TGFB1: variants seen among roughly 807,000 people sequenced by gnomAD.
TGFB1 encodes transforming growth factor beta 1, also known as transforming growth factor beta-1 proprotein.
A neutral mutation model predicts 43.8 loss-of-function variants in TGFB1; 19 were observed. The ratio of observed to expected loss-of-function variants is 0.43; its 90% CI spans 0.30 to 0.64. The LOEUF is 0.64. Ranked by LOEUF, TGFB1 falls within the 30% of genes least tolerant of loss-of-function variation. The pLI is 0.11. For synonymous variants in TGFB1, 221 were observed against 236.3 expected, an observed-to-expected ratio of 0.94 and a Z score of 0.60; for missense variants, 445 against 529.8, an observed-to-expected ratio of 0.84 and a Z score of 1.57.
intron 5 of TGFB1, 27 bp downstream of exon 5, chr19:41,341,856 G>A: frequency 1.2e-6 from 2 of 1,612,418 alleles, no homozygotes; most frequent in Non-Finnish European, 8.5e-7. Context: ...CAGCCTGGAA[G>A]GCCTCCATCC....
At chr19:41,348,844 G>A (rs1287621441) in intron 1 of TGFB1, among the ~76,000 whole-genome samples, 1 of 151,798 alleles carries the variant, frequency 6.6e-6, no homozygotes, top group Non-Finnish European at 1.5e-5. Context: ...GGATGGTCTC[G>A]ATCTCCTGAC....
chr19:41,337,544 T>A (rs1174432183), intron 5 of TGFB1, among the ~76,000 whole-genome samples: 1 of 152,092 alleles, frequency 6.6e-6, no homozygotes, highest in Non-Finnish European at 1.5e-5. Context: ...CCCAAAGTGC[T>A]GGGATTACGG....
At position 41,352,855 on chromosome 19, in the gene TGFB1, TC is replaced by T. The variant is rs750211892; in HGVS notation, c.189del (p.Ser64AlafsTer49). The T allele has an allele frequency of 6.4e-7, 1 of 1,564,378 alleles. No homozygotes were observed. The highest frequency in any genetic ancestry group is 8.6e-7 in the Non-Finnish European group (1 of 1,157,450). On this transcript the variant is annotated frameshift_variant, in exon 1 of 7. Transcript: ENST00000221930. LOFTEE classifies it high-confidence loss of function. Reference protein sequence around the residue: ...ILSKLRLASPPSQGEVPPGPL... With the variant: ...ILSKLRLASPXSQGEVPPGPL... Reference sequence around the variant, plus strand: ...GGGCCGGGCGGCACCTCCCCCTGGCTCGGGGGGCTGGCGAGCCGCAGCTTGG... The same window carrying T: ...GGGCCGGGCGGCACCTCCCCCTGGCTGGGGGGCTGGCGAGCCGCAGCTTGG...
At position 41,342,254 on chromosome 19, in the gene TGFB1, G is replaced by T; in HGVS notation, c.635-7C>A. 1 of 1,587,678 alleles carries T rather than the reference G, an allele frequency of 6.3e-7. No homozygotes were observed. The highest frequency in any genetic ancestry group is 1.1e-5 in the South Asian group (1 of 87,246). ...CGAAAGCCCTCAATTTCCCCTGTAG[G>T]AGTGGCGAGAGGGAAGCCAGTCTGA... On this transcript the variant is annotated splice_region_variant and splice_polypyrimidine_tract_variant and intron_variant, in intron 3 of 6. Coordinates refer to ENST00000221930, the MANE Select transcript of TGFB1 (RefSeq NM_000660.7).
chr19:41,331,324 C>G, intron 6 of TGFB1, 114 bp from the exon 7 acceptor site: 2 of 1,264,888 alleles, frequency 1.6e-6, no homozygotes, highest in Non-Finnish European at 2.1e-6. Flanking sequence ...CGTCTCTCCC[C>G]GCATCCCCTC....
At chr19:41,331,691 A>G (rs1208571411) in intron 6 of TGFB1, among the ~76,000 whole-genome samples, 1 of 146,670 alleles carries the variant, frequency 6.8e-6, no homozygotes, top group Non-Finnish European at 1.5e-5. Context: ...TGGTATTACC[A>G]TCGTGAGCCG....
chr19:41,331,347 A>C (rs571098675), intron 6 of TGFB1, 137 bp from the exon 7 acceptor site: 2 of 1,052,284 alleles, frequency 1.9e-6, no homozygotes, highest in Non-Finnish European at 1.3e-6. Context: ...CCCATCTCCA[A>C]TTCGGTCTCT....
intron 3 of TGFB1, 39 bp from the exon 4 acceptor site, chr19:41,342,286 A>C: frequency 6.4e-7 from 1 of 1,557,446 alleles, no homozygotes; most frequent in Non-Finnish European, 8.7e-7. Context: ...CTGAGAGTGC[A>C]GCTCACCCAG....
rs987256453 is a variant in TGFB1 at position 41,353,920 on chromosome 19, G to T, written c.-876C>A. On this transcript the variant is annotated 5_prime_UTR_variant, in exon 1 of 7. Coordinates refer to ENST00000221930, the MANE Select transcript of TGFB1 (RefSeq NM_000660.7). This position sits in a 1 kb window ranked among gnomAD's most constrained non-coding sequence, Gnocchi z 5.9. ...GGCCCAGGGCGCGAAGGGCGGCGGC[G>T]GCGGGGACCGGCTGGGTCGGCAGGG... is the stretch of plus-strand genomic sequence containing the variant. 1 of 248,832 alleles carries T rather than the reference G, an allele frequency of 4.0e-6. No individual in the cohort carries two copies. The highest frequency in any genetic ancestry group is 1.6e-4 in the South Asian group (1 of 6,096). The allele number at this position is 248,832 out of a possible 1,614,324, so 15.4% of individuals were successfully genotyped here.
At position 41,352,654 on chromosome 19, in the gene TGFB1, G is replaced by C. The variant is rs1454044073; in HGVS notation, c.355+36C>G. On this transcript the variant is annotated intron_variant, in intron 1 of 6. Transcript: ENST00000221930. Reference sequence around the variant, plus strand: ...CCCGGCACTCCGGCGCCCCCTGGGGGCCCCCCTCCCGGCTCCCCTGCCCCT... The same window carrying C: ...CCCGGCACTCCGGCGCCCCCTGGGGCCCCCCCTCCCGGCTCCCCTGCCCCT... 1.2e-5 allele frequency: 19 copies of C among 1,608,026 alleles called. No individual in the cohort carries two copies. The Middle Eastern group carries it at 5.1e-4, about 43-fold the overall frequency.
At position 41,342,211 on chromosome 19, in the gene TGFB1, G is replaced by A. The variant is rs2123098928; in HGVS notation, c.671C>T (p.Ser224Phe). The A allele has an allele frequency of 1.2e-6, 2 of 1,607,530 alleles. No individual in the cohort carries two copies. The highest frequency in any genetic ancestry group is 1.1e-5 in the South Asian group (1 of 89,872). ...CAGTGTGTTATCCCTGCTGTCACAG[G>A]AGCAGTGGGCGCTAAGGCGAAAGCC... ...IEGFRLSAHC[S>F]CDSRDNTLQV... The change falls in exon 4 of 7, where the codon TCC becomes TTC. Residue 224 changes from serine (S) to phenylalanine (F), a missense_variant. Transcript: ENST00000221930.
At chr19:41,349,072 A>C (rs2123109834) in intron 1 of TGFB1, among the ~76,000 whole-genome samples, 1 of 152,106 alleles carries the variant, frequency 6.6e-6, no homozygotes, top group Non-Finnish European at 1.5e-5. Flanking sequence ...AAGGGGAACC[A>C]CTCTGTTTGC....
At chr19:41,340,358 G>C (rs544773416) in intron 5 of TGFB1, among the ~76,000 whole-genome samples, 1 of 150,620 alleles carries the variant, frequency 6.6e-6, no homozygotes, top group African/African-American at 2.4e-5. Context: ...CGAGGTTCCA[G>C]TGATTCTCCT....
chr19:41,331,514 C>T (rs1315299917), intron 6 of TGFB1, among the ~76,000 whole-genome samples: 2 of 151,680 alleles, frequency 1.3e-5, no homozygotes, highest in Non-Finnish European at 2.9e-5. Context: ...GCCATCCTCC[C>T]GCCTCAGCCT....
intron 5 of TGFB1, among the ~76,000 whole-genome samples, chr19:41,339,564 C>T (rs1204546816): frequency 6.6e-6 from 1 of 151,978 alleles, no homozygotes; most frequent in Admixed American, 6.6e-5. Context: ...GTGGTTCATG[C>T]CTGTAATCCC....
At chr19:41,339,003 A>G (rs1354706777) in intron 5 of TGFB1, among the ~76,000 whole-genome samples, 2 of 151,350 alleles carry the variant, frequency 1.3e-5, no homozygotes, top group African/African-American at 2.4e-5. Flanking sequence ...CCTTCTTTGC[A>G]TTGTATTTGA....
rs1043614859 is a variant in TGFB1, at chr19:41,352,539, A to AC, written c.355+150dup. 35 of 947,966 alleles carry AC rather than the reference A, an allele frequency of 3.7e-5. No homozygotes were observed. The African/African-American group carries it at 5.4e-4, about 14-fold the overall frequency. 58.7% of individuals were successfully genotyped at this position (947,966 alleles called of 1,614,324 possible). On this transcript the variant is annotated intron_variant, in intron 1 of 6. Coordinates refer to ENST00000221930, the MANE Select transcript of TGFB1 (RefSeq NM_000660.7). ...GGCTCAGTGCCATCCTCTTTCGGACACCCCCCTCCCACCATCACACGTTCC... is the reference window on the plus strand; with the variant it reads ...GGCTCAGTGCCATCCTCTTTCGGACACCCCCCCTCCCACCATCACACGTTCC...
intron 1 of TGFB1, among the ~76,000 whole-genome samples, chr19:41,349,023 C>G (rs2038151438): frequency 6.6e-6 from 1 of 152,102 alleles, no homozygotes; most frequent in Non-Finnish European, 1.5e-5. Flanking sequence ...ATTCCTCTCT[C>G]ATGTAGCATC....
intron 1 of TGFB1, among the ~76,000 whole-genome samples, chr19:41,349,483 G>A (rs574643697): frequency 1.3e-5 from 2 of 152,338 alleles, no homozygotes; most frequent in South Asian, 2.1e-4. Context: ...CTGGCTGGGC[G>A]CAGTGGCTCA....
Sources: gnomAD v4.1 joint callset for allele counts (sites outside exome capture counted in the v4.1 genomes callset) on GRCh38, gnomAD v4.1.1 for gene constraint, Gnocchi (gnomAD v3.1) non-coding constraint, MANE v1.5 for transcripts, NCBI Gene and HGNC (gene_info 2026-07-23, HGNC 2026-07-21) for gene names.